Variants in ZSWIM6 observed in about 807,000 individuals in gnomAD.
ZSWIM6 encodes the protein zinc finger SWIM domain-containing protein 6.
In ZSWIM6, 9 loss-of-function variants were observed where a neutral mutation model predicts 113.2. The ratio of observed to expected loss-of-function variants is 0.08; its 90% CI spans 0.05 to 0.14. The LOEUF (loss-of-function observed/expected upper bound fraction) is 0.14. ZSWIM6 is among the 10% of genes least tolerant of loss of function. The probability of loss-of-function intolerance (pLI) is 1.00; values close to 1 mark genes in which losing one functional copy is unlikely to be tolerated. For synonymous variants in ZSWIM6, 611 were observed against 606.5 expected, an observed-to-expected ratio of 1.01 and a Z score of -0.11; for missense variants, 1,162 against 1,552.2, an observed-to-expected ratio of 0.75 and a Z score of 4.22.
intron 1 of ZSWIM6, chr5:61,347,055 A>G (rs1744674395): frequency 6.6e-6 from 1 of 152,646 alleles, no homozygotes; most frequent in Non-Finnish European, 1.5e-5. Context: ...TATAATAGCT[A>G]GTAACTATGA....
chr5:61,417,838 T>C (rs1020395868), intron 1 of ZSWIM6, among the ~76,000 whole-genome samples: 4 of 152,234 alleles, frequency 2.6e-5, no homozygotes, highest in African/African-American at 9.7e-5. Flanking sequence ...TATCACAGTT[T>C]TGCTTCATAA....
intron 1 of ZSWIM6, among the ~76,000 whole-genome samples, chr5:61,459,108 T>C (rs1006727774): frequency 1.3e-5 from 2 of 152,230 alleles, no homozygotes; most frequent in Admixed American, 1.3e-4. Context: ...ACATTTCTTG[T>C]TAAAAAAGAA....
rs768393747 is a variant in ZSWIM6, at chr5:61,535,616, T to A, written c.2378T>A (p.Met793Lys). 6.4e-7 allele frequency: 1 copy of A among 1,550,984 alleles called. No homozygotes were observed. Among genetic ancestry groups the A allele is most frequent in the Non-Finnish European group, 8.7e-7 (1 of 1,146,636 alleles). Residue 793 changes from methionine to lysine, a missense_variant, in exon 10 of 14, where the codon ATG becomes AAG. Coordinates refer to ENST00000252744, the MANE Select transcript of ZSWIM6 (RefSeq NM_020928.2). ...ELAYKIALRA[M>K]RLLVLESTAP... The stretch of plus-strand genomic sequence containing the variant: ...GCATACAAAATTGCACTGAGAGCAA[T>A]GCGGTATGTATTCACAGCCCAGCTG...
intron 1 of ZSWIM6, among the ~76,000 whole-genome samples, chr5:61,451,139 G>T (rs1747080077): frequency 6.6e-6 from 1 of 152,074 alleles, no homozygotes; most frequent in Non-Finnish European, 1.5e-5. Context: ...AAGAGGCAGT[G>T]GTTCATATTT....
At chr5:61,429,883 G>T (rs926336290) in intron 1 of ZSWIM6, among the ~76,000 whole-genome samples, 42 of 152,092 alleles carry the variant, frequency 2.8e-4, no homozygotes, top group African/African-American at 9.9e-4. Flanking sequence ...TTGTACAGAG[G>T]GGCAGATCTG....
At chr5:61,415,077 C>T (rs1030973424) in intron 1 of ZSWIM6, among the ~76,000 whole-genome samples, 1 of 152,184 alleles carries the variant, frequency 6.6e-6, no homozygotes, top group African/African-American at 2.4e-5. Flanking sequence ...GTTTGACTGG[C>T]ACCAAAGCTG....
intron 3 of ZSWIM6, among the ~76,000 whole-genome samples, chr5:61,491,370 A>T (rs1748171117): frequency 2.0e-5 from 3 of 152,074 alleles, no homozygotes; most frequent in Admixed American, 1.3e-4. Flanking sequence ...TGAGTTTTAG[A>T]GTCATATAGA....
rs554126683 is a variant in ZSWIM6, at chr5:61,399,749, A to G, written c.676+66801A>G. 7.2e-5 allele frequency among the ~76,000 whole-genome samples: 11 copies of G among 152,362 alleles called. No homozygotes were observed. The South Asian group carries it at 2.3e-3, about 32-fold the overall frequency. ...TCCAATTTCTACTTCCCACGTCTGA[A>G]TGAACTTGTAAGAAGAAAATACTTC... On this transcript the variant is annotated intron_variant, in intron 1 of 13. Transcript: ENST00000252744.
At chr5:61,542,857 C>T (rs757994712) in intron 13 of ZSWIM6, among the ~76,000 whole-genome samples, 11 of 152,164 alleles carry the variant, frequency 7.2e-5, no homozygotes, top group Non-Finnish European at 1.6e-4. Flanking sequence ...CTCTTCAAAT[C>T]ATTCACTTTT....
intron 1 of ZSWIM6, among the ~76,000 whole-genome samples, chr5:61,387,972 T>TTC (rs948180993): frequency 6.2e-5 from 9 of 145,944 alleles, no homozygotes; most frequent in Non-Finnish European, 1.2e-4. Flanking sequence ...ATTTTACCCT[T>TTC]TCTCTCTCTC....
At chr5:61,470,246 A>AT (rs1176206950) in intron 1 of ZSWIM6, among the ~76,000 whole-genome samples, 1 of 152,192 alleles carries the variant, frequency 6.6e-6, no homozygotes, top group African/African-American at 2.4e-5. Flanking sequence ...GAAGAGACTG[A>AT]TTTTATAAAT....
chr5:61,332,969 G>A, intron 1 of ZSWIM6, 21 bp downstream of exon 1: 1 of 1,250,070 alleles, frequency 8.0e-7, no homozygotes. Flanking sequence ...GGGCAGCCGC[G>A]AGCCGTCTGT....
intron 4 of ZSWIM6, among the ~76,000 whole-genome samples, chr5:61,506,408 C>CAGTGG (rs1165299326): frequency 6.6e-6 from 1 of 151,890 alleles, no homozygotes; most frequent in African/African-American, 2.4e-5. Flanking sequence ...CACAGTGAAA[C>CAGTGG]CCTATATCTA....
chr5:61,447,683 A>G (rs1746994008), intron 1 of ZSWIM6, among the ~76,000 whole-genome samples: 1 of 152,174 alleles, frequency 6.6e-6, no homozygotes, highest in Non-Finnish European at 1.5e-5. Flanking sequence ...CCGGCAAGCA[A>G]TGTGTTCAGG....
At chr5:61,367,516 T>G (rs1231638971) in intron 1 of ZSWIM6, among the ~76,000 whole-genome samples, 3 of 152,208 alleles carry the variant, frequency 2.0e-5, no homozygotes, top group African/African-American at 4.8e-5. Flanking sequence ...TCCAGAGTCC[T>G]GATTTACAGG....
intron 4 of ZSWIM6, among the ~76,000 whole-genome samples, chr5:61,497,373 T>C (rs1748351711): frequency 6.6e-6 from 1 of 152,192 alleles, no homozygotes; most frequent in South Asian, 2.1e-4. Flanking sequence ...TTTTAACTTT[T>C]TCTTTCTTTC....
rs1749038102 is a variant in ZSWIM6, at chr5:61,518,995, C to G, written c.1334-2268C>G. The stretch of plus-strand genomic sequence containing the variant: ...GTGTAAGGAAGGGATCCAGTTTCAG[C>G]TTTCTACATATGGCTAGCCAGTTTT... On this transcript the variant is annotated intron_variant, in intron 4 of 13. Coordinates refer to ENST00000252744, the MANE Select transcript of ZSWIM6 (RefSeq NM_020928.2). Among the ~76,000 whole-genome samples, 2 of 151,932 alleles carry G rather than the reference C, an allele frequency of 1.3e-5. 1 individual carries two copies. The highest frequency in any genetic ancestry group is 3.9e-4 in the East Asian group (2 of 5,184).
intron 5 of ZSWIM6, among the ~76,000 whole-genome samples, chr5:61,525,226 A>T (rs1749244598): frequency 6.6e-6 from 1 of 152,168 alleles, no homozygotes; most frequent in African/African-American, 2.4e-5. Context: ...GCCCTTTGGG[A>T]TATAAAGTGA....
chr5:61,491,543 A>G (rs143845242), intron 3 of ZSWIM6, among the ~76,000 whole-genome samples: 1 of 152,224 alleles, frequency 6.6e-6, no homozygotes, highest in East Asian at 1.9e-4. Flanking sequence ...TTCATCATTA[A>G]AAATTGATGG....
Sources: gnomAD v4.1 joint callset for allele counts (sites outside exome capture counted in the v4.1 genomes callset) on GRCh38, gnomAD v4.1.1 for gene constraint, MANE v1.5 for transcripts, NCBI Gene and HGNC (gene_info 2026-07-23, HGNC 2026-07-21) for gene names.